Variants in OR9Q1 observed in about 807,000 individuals in gnomAD.
The protein encoded by OR9Q1 is olfactory receptor 9Q1.
For synonymous variants in OR9Q1, 153 were observed against 148.6 expected (o/e 1.03, Z -0.22); for missense variants, 374 against 378.8 (o/e 0.99, Z 0.11).
At position 58,099,033 on chromosome 11, in the gene OR9Q1, T is replaced by C. The variant is rs1853758579; in HGVS notation, c.-15+43086T>C. ...TATTACTAGTTTCATACCATTGTGG[T>C]AAAATAACATATTTGGTTTGATTTC... On this transcript the variant is annotated intron_variant, in intron 2 of 2. Transcript: ENST00000335397. 2.0e-5 allele frequency among the ~76,000 whole-genome samples: 3 copies of C among 152,156 alleles called. No individual in the cohort carries two copies. The South Asian group carries it at 6.2e-4, about 31-fold the overall frequency.
chr11:58,061,063 G>GA (rs1853376384), intron 2 of OR9Q1, among the ~76,000 whole-genome samples: 1 of 152,124 alleles, frequency 6.6e-6, no homozygotes, highest in Non-Finnish European at 1.5e-5. Flanking sequence ...GTTGTTGAGT[G>GA]CATGAGTGAA....
intron 2 of OR9Q1, among the ~76,000 whole-genome samples, chr11:58,158,484 T>C (rs1854428884): frequency 6.6e-6 from 1 of 151,604 alleles, no homozygotes; most frequent in Non-Finnish European, 1.5e-5. Flanking sequence ...AGTGGGCTAT[T>C]AGTCCTAATC....
intron 2 of OR9Q1, among the ~76,000 whole-genome samples, chr11:58,152,807 T>C (rs1052091863): frequency 2.6e-5 from 4 of 151,460 alleles, no homozygotes; most frequent in African/African-American, 9.7e-5. Flanking sequence ...ATTTACCTTT[T>C]TTTTAGATTT....
intron 2 of OR9Q1, among the ~76,000 whole-genome samples, chr11:58,069,511 A>G (rs967804127): frequency 6.6e-6 from 1 of 152,086 alleles, no homozygotes; most frequent in Admixed American, 6.6e-5. Flanking sequence ...TGTGAGAAGG[A>G]TCTTTTCTTA....
chr11:58,170,657 T>C (rs1854545943), intron 2 of OR9Q1, among the ~76,000 whole-genome samples: 1 of 152,054 alleles, frequency 6.6e-6, no homozygotes. Context: ...CCCATACTGT[T>C]CTCTTGGTAA....
Position 58,180,499 on chromosome 11 carries a change from A to G in OR9Q1, c.*122A>G, listed in dbSNP as rs926340390. Reference sequence around the variant, plus strand: ...TATATTATGGTACTAGGTATAAAAAAGAACCAGAACTTTTAGCTCCAGGGA... The same window carrying G: ...TATATTATGGTACTAGGTATAAAAAGGAACCAGAACTTTTAGCTCCAGGGA... On this transcript the variant is annotated 3_prime_UTR_variant, in exon 3 of 3. Transcript: ENST00000335397. The G allele has an allele frequency of 1.8e-6, 1 of 558,712 alleles. No individual in the cohort carries two copies. Among genetic ancestry groups the G allele is most frequent in the African/African-American group, 1.9e-5 (1 of 53,042 alleles). 34.6% of individuals were successfully genotyped at this position (558,712 alleles called of 1,614,324 possible).
At chr11:58,155,917 T>C (rs1565092443) in intron 2 of OR9Q1, among the ~76,000 whole-genome samples, 2 of 82,646 alleles carry the variant, frequency 2.4e-5, no homozygotes, top group African/African-American at 6.6e-5. Flanking sequence ...TTCTTTTCCT[T>C]CCTTTTTTTT....
chr11:58,064,500 C>T (rs2120003320), intron 2 of OR9Q1, among the ~76,000 whole-genome samples: 1 of 152,246 alleles, frequency 6.6e-6, no homozygotes, highest in East Asian at 1.9e-4. Context: ...GCTCTGACTC[C>T]AGGAAGGTCA....
At chr11:58,045,982 T>A (rs1853212605) in intron 1 of OR9Q1, among the ~76,000 whole-genome samples, 1 of 152,214 alleles carries the variant, frequency 6.6e-6, no homozygotes, top group Non-Finnish European at 1.5e-5. Context: ...CAACCAAAAC[T>A]GTCTCCATAC....
intron 1 of OR9Q1, among the ~76,000 whole-genome samples, chr11:58,032,909 GAAA>G (rs1853057175): frequency 6.6e-6 from 1 of 151,854 alleles, no homozygotes; most frequent in African/African-American, 2.4e-5. Flanking sequence ...AAATCAACAA[GAAA>G]AAAACAATTA....
At chr11:58,169,832 A>G (rs1232067064) in intron 2 of OR9Q1, among the ~76,000 whole-genome samples, 2 of 152,076 alleles carry the variant, frequency 1.3e-5, no homozygotes, top group East Asian at 1.9e-4. Flanking sequence ...TTCTCTGTAG[A>G]AAGAAAGCTG....
At chr11:58,104,913 A>G (rs1853825761) in intron 2 of OR9Q1, among the ~76,000 whole-genome samples, 1 of 152,224 alleles carries the variant, frequency 6.6e-6, no homozygotes, top group Non-Finnish European at 1.5e-5. Flanking sequence ...TGAACAATAA[A>G]TAACATATTT....
At chr11:58,142,850 T>G (rs1321099640) in intron 2 of OR9Q1, among the ~76,000 whole-genome samples, 1 of 152,164 alleles carries the variant, frequency 6.6e-6, no homozygotes, top group Non-Finnish European at 1.5e-5. Context: ...GCTTGATTCA[T>G]GTATCTCACT....
At chr11:58,087,686 G>A (rs1161356622) in intron 2 of OR9Q1, among the ~76,000 whole-genome samples, 1 of 151,758 alleles carries the variant, frequency 6.6e-6, no homozygotes, top group African/African-American at 2.4e-5. Flanking sequence ...GCATGCATTA[G>A]CTATTTGTCC....
intron 2 of OR9Q1, among the ~76,000 whole-genome samples, chr11:58,096,126 T>C (rs560971459): frequency 2.7e-5 from 4 of 150,910 alleles, no homozygotes; most frequent in East Asian, 3.9e-4. Context: ...CTCCCTCATT[T>C]TCTCTCTCTC....
At chr11:58,062,221 C>T (rs1853386561) in intron 2 of OR9Q1, among the ~76,000 whole-genome samples, 1 of 152,222 alleles carries the variant, frequency 6.6e-6, no homozygotes, top group Non-Finnish European at 1.5e-5. Flanking sequence ...ATAAGCCTAG[C>T]ATTGTGGCAC....
chr11:58,043,563 A>G (rs1471485339), intron 1 of OR9Q1, among the ~76,000 whole-genome samples: 1 of 152,154 alleles, frequency 6.6e-6, no homozygotes, highest in Non-Finnish European at 1.5e-5. Flanking sequence ...CTTGCATCAC[A>G]ATTGATGCTG....
chr11:58,052,820 T>G (rs1853279520), intron 1 of OR9Q1, among the ~76,000 whole-genome samples: 1 of 151,094 alleles, frequency 6.6e-6, no homozygotes, highest in Non-Finnish European at 1.5e-5. Context: ...AAAGAAGACA[T>G]TTATGCAGCC....
chr11:58,125,900 A>G (rs1565084013), intron 2 of OR9Q1, among the ~76,000 whole-genome samples: 1 of 152,168 alleles, frequency 6.6e-6, no homozygotes, highest in Non-Finnish European at 1.5e-5. Context: ...ACTCAGTGGT[A>G]ATATCAGGAC....
Sources: allele counts gnomAD v4.1 joint callset (sites outside exome capture counted in the v4.1 genomes callset), GRCh38; gene constraint gnomAD v4.1.1; transcripts MANE v1.5; gene names NCBI Gene and HGNC (gene_info 2026-07-23, HGNC 2026-07-21).